The following POGLUT3 variants were observed in gnomAD, a reference collection of about 807,000 sequenced individuals.
POGLUT3 encodes KDEL (Lys-Asp-Glu-Leu) containing 2.
POGLUT3 carries 48 observed loss-of-function variants against 54.3 expected under a neutral mutation model. The ratio of observed to expected loss-of-function variants is 0.88; its 90% CI spans 0.70 to 1.12. The LOEUF (loss-of-function observed/expected upper bound fraction) is 1.12. POGLUT3 is among the 50% of genes most tolerant of loss of function. The pLI, the probability that POGLUT3 is intolerant of heterozygous loss-of-function variation, is 0.00. For synonymous variants in POGLUT3, 218 were observed against 237.4 expected, an observed-to-expected ratio of 0.92 and a Z score of 0.75; for missense variants, 629 against 618.7, an observed-to-expected ratio of 1.02 and a Z score of -0.18.
At chr11:108,477,186 G>C (rs551231205) in intron 7 of POGLUT3, among the ~76,000 whole-genome samples, 1 of 152,212 alleles carries the variant, frequency 6.6e-6, no homozygotes, top group South Asian at 2.1e-4. Flanking sequence ...CAGATCACCT[G>C]AGGCCAGGAG....
At chr11:108,489,397 C>T (rs1029880575) in intron 2 of POGLUT3, among the ~76,000 whole-genome samples, 2 of 152,034 alleles carry the variant, frequency 1.3e-5, no homozygotes, top group African/African-American at 4.8e-5. Flanking sequence ...ATCCAAAACA[C>T]AGGAAACATT....
intron 1 of POGLUT3, among the ~76,000 whole-genome samples, chr11:108,496,747 A>C (rs2093622980): frequency 6.6e-6 from 1 of 152,238 alleles, no homozygotes; most frequent in African/African-American, 2.4e-5. Context: ...GAGGTAGTTA[A>C]GGGAGAGGCA....
At chr11:108,497,310 C>T (rs929481748) in intron 1 of POGLUT3, among the ~76,000 whole-genome samples, 1 of 152,212 alleles carries the variant, frequency 6.6e-6, no homozygotes, top group Non-Finnish European at 1.5e-5. Context: ...GTCAAGACCC[C>T]CTTACCCCTT....
intron 1 of POGLUT3, among the ~76,000 whole-genome samples, chr11:108,493,273 C>T (rs1257746295): frequency 6.6e-6 from 1 of 152,112 alleles, no homozygotes; most frequent in Non-Finnish European, 1.5e-5. Flanking sequence ...ATAATATAGC[C>T]ATTGGAAATA....
chr11:108,486,337 A>G lies in POGLUT3; in HGVS notation c.504T>C (p.Ala168=). 1 of 1,614,170 alleles carries G rather than the reference A, an allele frequency of 6.2e-7. No individual in the cohort carries two copies. Among genetic ancestry groups the G allele is most frequent in the Non-Finnish European group, 8.5e-7 (1 of 1,180,022 alleles). Residue 168 remains alanine, a synonymous_variant, in exon 3 of 8, where the codon GCT becomes GCC. Coordinates refer to ENST00000323468, the MANE Select transcript of POGLUT3 (RefSeq NM_153705.5). ...TKEPQIAKDF[A]SFPSINLQQM... Reference sequence around the variant, plus strand: ...GCTGGAGATTGATGCTGGGAAAGGAAGCAAAATCTTTTGCAATCTGTGGTT... The same window carrying G: ...GCTGGAGATTGATGCTGGGAAAGGAGGCAAAATCTTTTGCAATCTGTGGTT...
In POGLUT3 at chr11:108,475,467, TTG is replaced by T. The variant is rs1491067785; in HGVS notation, c.1399-517_1399-516del. 4.9e-5 allele frequency among the ~76,000 whole-genome samples: 7 copies of T among 141,854 alleles called. 1 individual carries two copies. The highest frequency in any genetic ancestry group is 1.3e-4 in the African/African-American group (5 of 37,228). 93.1% of individuals were successfully genotyped at this position (141,854 alleles called of 152,430 possible). On this transcript the variant is annotated intron_variant, in intron 7 of 7. Coordinates refer to ENST00000323468, the MANE Select transcript of POGLUT3 (RefSeq NM_153705.5). ...TCTATAAATGGAGTTTTTTTTGTTT[TTG>T]TTTTTTTTTTTTTTTGAGACACGGT...
In POGLUT3 at chr11:108,481,208, T is replaced by C. The variant is rs765059764; in HGVS notation, c.1070A>G (p.Lys357Arg). The C allele has an allele frequency of 1.2e-6, 2 of 1,611,032 alleles. No individual in the cohort carries two copies. The highest frequency in any genetic ancestry group is 1.3e-5 in the African/African-American group (1 of 74,654). The change falls in exon 5 of 8, where the codon AAG (lysine) becomes AGG (arginine). Residue 357 changes from lysine (K) to arginine (R), a missense_variant. Coordinates refer to ENST00000323468, the MANE Select transcript of POGLUT3 (RefSeq NM_153705.5). ...QEKEKELGKA[K>R]LMGFFDFFKY... Reference sequence around the variant, plus strand: ...AAAGAAATCAAAGAAACCCATCAACTTGGCTTTTCCAAGCTCCTTTTCTTT... The same window carrying C: ...AAAGAAATCAAAGAAACCCATCAACCTGGCTTTTCCAAGCTCCTTTTCTTT...
chr11:108,482,340 G>A, intron 3 of POGLUT3, 118 bp from the exon 4 acceptor site: 1 of 649,262 alleles, frequency 1.5e-6, no homozygotes, highest in Non-Finnish European at 2.6e-6. Flanking sequence ...CAAAAACAGA[G>A]AAGAGAGAAG....
At chr11:108,496,666 C>G (rs1198092960) in intron 1 of POGLUT3, among the ~76,000 whole-genome samples, 2 of 152,138 alleles carry the variant, frequency 1.3e-5, no homozygotes, top group African/African-American at 4.8e-5. Flanking sequence ...CTGGTAGACA[C>G]GTTATCAAAG....
chr11:108,481,440 A>G, intron 4 of POGLUT3, 64 bp from the exon 5 acceptor site: 2 of 1,169,088 alleles, frequency 1.7e-6, no homozygotes, highest in Non-Finnish European at 2.4e-6. Flanking sequence ...TGGCAAGCAT[A>G]ATCCTCTTTA....
Position 108,486,374 on chromosome 11 carries a change from C to G in POGLUT3, c.467G>C (p.Cys156Ser). The G allele has an allele frequency of 6.2e-7, 1 of 1,614,092 alleles. No individual in the cohort carries two copies. Among genetic ancestry groups the G allele is most frequent in the Non-Finnish European group, 8.5e-7 (1 of 1,180,034 alleles). The change falls in exon 3 of 8, where the codon TGT becomes TCT. Residue 156 changes from cysteine (C) to serine (S), a missense_variant. By Grantham distance (112) the Cys-to-Ser change is moderately radical. Coordinates refer to ENST00000323468, the MANE Select transcript of POGLUT3 (RefSeq NM_153705.5). Reference sequence around the variant, plus strand: ...TGCAATCTGTGGTTCCTTGGTTGGACAAGAAAGAGTCTTCTGCCAGGCCTG... The same window carrying G: ...TGCAATCTGTGGTTCCTTGGTTGGAGAAGAAAGAGTCTTCTGCCAGGCCTG... ...DPQAWQKTLS[C>S]PTKEPQIAKD...
At chr11:108,494,084 G>C (rs2093617915) in intron 1 of POGLUT3, among the ~76,000 whole-genome samples, 1 of 152,100 alleles carries the variant, frequency 6.6e-6, no homozygotes, top group African/African-American at 2.4e-5. Context: ...AGAAATTTGA[G>C]GTAGGTATCT....
Position 108,481,172 on chromosome 11 carries a change from A to C in POGLUT3, c.1098+8T>G. The C allele has an allele frequency of 6.3e-7, 1 of 1,594,770 alleles. No individual in the cohort carries two copies. The highest frequency in any genetic ancestry group is 8.5e-7 in the Non-Finnish European group (1 of 1,173,228). On this transcript the variant is annotated splice_region_variant and intron_variant, in intron 5 of 7. Coordinates refer to ENST00000323468, the MANE Select transcript of POGLUT3 (RefSeq NM_153705.5). ...TTCATATCCATAGAAGAAGACTCAA[A>C]TGCATACCTTAAAGAAATCAAAGAA...
chr11:108,497,509 C>G (rs2093624262), intron 1 of POGLUT3, among the ~76,000 whole-genome samples: 1 of 152,176 alleles, frequency 6.6e-6, no homozygotes, highest in African/African-American at 2.4e-5. Context: ...TAAGAAGTTG[C>G]AAAGGTTAAG....
Position 108,474,711 on chromosome 11 carries a change from A to G in POGLUT3, c.*116T>C. ...CTGCTATATCCATCTACATATATAA[A>G]GCCACCGGGAGAACTAGTCCACTTG... On this transcript the variant is annotated 3_prime_UTR_variant, in exon 8 of 8. Transcript: ENST00000323468. The G allele has an allele frequency of 8.3e-7, 1 of 1,204,814 alleles. No individual in the cohort carries two copies. The highest frequency in any genetic ancestry group is 1.2e-6 in the Non-Finnish European group (1 of 849,796). The allele number at this position is 1,204,814 out of a possible 1,614,324, so 74.6% of individuals were successfully genotyped here. A position where few individuals can be genotyped will look rare whatever the true frequency, so the allele number is the denominator to read the frequency against.
intron 3 of POGLUT3, among the ~76,000 whole-genome samples, chr11:108,483,725 G>C (rs544418523): frequency 6.6e-6 from 1 of 152,288 alleles, no homozygotes; most frequent in African/African-American, 2.4e-5. Context: ...CTGGAGTGCA[G>C]TGGCGTGATC....
In POGLUT3 at chr11:108,487,266, A is replaced by G. The variant is rs185396663; in HGVS notation, c.401-826T>C. On this transcript the variant is annotated intron_variant, in intron 2 of 7. Transcript: ENST00000323468. The stretch of plus-strand genomic sequence containing the variant: ...TCCTTTCCAAACCAAACCAATGTAC[A>G]TCTTAAATGTATTGATTAATGTCTT... 3.3e-4 allele frequency among the ~76,000 whole-genome samples: 47 copies of G among 143,410 alleles called. No homozygotes were observed. In the East Asian group the frequency reaches 8.7e-3, roughly 27 times the overall value. 94.1% of individuals were successfully genotyped at this position (143,410 alleles called of 152,430 possible). A position where few individuals can be genotyped will look rare whatever the true frequency, so the allele number is the denominator to read the frequency against.
intron 2 of POGLUT3, among the ~76,000 whole-genome samples, chr11:108,488,445 G>A (rs1190929510): frequency 2.0e-5 from 3 of 152,200 alleles, no homozygotes; most frequent in African/African-American, 7.2e-5. Context: ...GGAGCTTTGA[G>A]GTTGTAGTAC....
At chr11:108,488,524 G>A (rs1335400573) in intron 2 of POGLUT3, among the ~76,000 whole-genome samples, 1 of 152,150 alleles carries the variant, frequency 6.6e-6, no homozygotes, top group African/African-American at 2.4e-5. Flanking sequence ...GCAGTCCAGG[G>A]AGACCAAGGC....
Sources: gnomAD v4.1 joint callset for allele counts (sites outside exome capture counted in the v4.1 genomes callset) on GRCh38, gnomAD v4.1.1 for gene constraint, MANE v1.5 for transcripts, NCBI Gene and HGNC (gene_info 2026-07-23, HGNC 2026-07-21) for gene names.